ADGRL2: variants seen among roughly 807,000 people sequenced by gnomAD.
ADGRL2 encodes the protein adhesion G protein-coupled receptor L2, also known as calcium-independent alpha-latrotoxin receptor 2.
ADGRL2 carries 44 observed loss-of-function variants against 157.4 expected under a neutral mutation model. The observed-to-expected ratio is 0.28, with a 90% CI of 0.22 to 0.36. The LOEUF (loss-of-function observed/expected upper bound fraction) is 0.36. Ranked by LOEUF, ADGRL2 falls within the 10% of genes least tolerant of loss-of-function variation. The pLI is 1.00. For synonymous variants in ADGRL2, 585 were observed against 624.7 expected (o/e 0.94, Z 0.95); for missense variants, 1,510 against 1,768.9 (o/e 0.85, Z 2.63).
At chr1:81,497,957 G>A (rs537009223) in intron 2 of ADGRL2, among the ~76,000 whole-genome samples, 15 of 152,180 alleles carry the variant, frequency 9.9e-5, no homozygotes, top group African/African-American at 3.6e-4. Context: ...CTGTAATCCC[G>A]GCACTTTGGG....
chr1:81,802,814 T>C (rs1271469818), intron 1 of ADGRL2, among the ~76,000 whole-genome samples: 3 of 152,002 alleles, frequency 2.0e-5, no homozygotes. Flanking sequence ...GGACGAGTTT[T>C]TGAGGGTTGC....
intron 2 of ADGRL2, among the ~76,000 whole-genome samples, chr1:81,531,838 G>A (rs1261031529): frequency 6.6e-6 from 1 of 152,116 alleles, no homozygotes; most frequent in Non-Finnish European, 1.5e-5. Context: ...GAAGGTCAGT[G>A]GACCCCTCAC....
chr1:81,486,561 A>G (rs1321014580), intron 2 of ADGRL2, among the ~76,000 whole-genome samples: 4 of 152,164 alleles, frequency 2.6e-5, no homozygotes, highest in Non-Finnish European at 2.9e-5. Flanking sequence ...AAACAACTGT[A>G]TAGTACTATT....
At chr1:81,659,963 A>T (rs1055536822) in intron 3 of ADGRL2, among the ~76,000 whole-genome samples, 1 of 152,206 alleles carries the variant, frequency 6.6e-6, no homozygotes, top group African/African-American at 2.4e-5. Flanking sequence ...TTCAATACAC[A>T]AATATTTTCA....
chr1:81,719,898 A>T (rs555922252), intron 1 of ADGRL2, among the ~76,000 whole-genome samples: 1 of 152,212 alleles, frequency 6.6e-6, no homozygotes, highest in Admixed American at 6.5e-5. Context: ...TCTATTTTTA[A>T]AATGTGATAT....
chr1:81,476,652 A>G (rs1043787544), intron 2 of ADGRL2, among the ~76,000 whole-genome samples: 1 of 152,158 alleles, frequency 6.6e-6, no homozygotes, highest in Admixed American at 6.6e-5. Flanking sequence ...AAATCTCGCA[A>G]AGTTGCTATT....
chr1:81,593,141 C>T (rs1223348198), intron 3 of ADGRL2, among the ~76,000 whole-genome samples: 1 of 152,086 alleles, frequency 6.6e-6, no homozygotes, highest in African/African-American at 2.4e-5. Flanking sequence ...TTTCTTAGCC[C>T]ATTTGTCAAA....
At chr1:81,791,840 G>C (rs1236184718) in intron 2 of ADGRL2, among the ~76,000 whole-genome samples, 1 of 152,004 alleles carries the variant, frequency 6.6e-6, no homozygotes, top group Non-Finnish European at 1.5e-5. Context: ...CATTTTCAGA[G>C]AAAAAGGAAC....
intron 1 of ADGRL2, among the ~76,000 whole-genome samples, chr1:81,330,866 G>A (rs538927906): frequency 6.6e-6 from 1 of 152,240 alleles, no homozygotes; most frequent in South Asian, 2.1e-4. Context: ...AAATATGAAC[G>A]TTGCTCAACG....
At chr1:81,571,202 A>G (rs1401939792) in intron 2 of ADGRL2, among the ~76,000 whole-genome samples, 9 of 151,702 alleles carry the variant, frequency 5.9e-5, no homozygotes, top group Admixed American at 2.6e-4. Flanking sequence ...GCAGGCACCT[A>G]TAATCCCAGC....
intron 1 of ADGRL2, among the ~76,000 whole-genome samples, chr1:81,316,135 A>G (rs921468221): frequency 4.5e-5 from 5 of 110,816 alleles, no homozygotes; most frequent in African/African-American, 1.9e-4. Context: ...AAAAACAAAA[A>G]AAAAAAAGAA....
chr1:81,333,410 A>AATTTATTT (rs1424872537), intron 1 of ADGRL2, among the ~76,000 whole-genome samples: 1 of 149,190 alleles, frequency 6.7e-6, no homozygotes, highest in Non-Finnish European at 1.5e-5. Context: ...TTAATTAATT[A>AATTTATTT]ATTTATTTAT....
At chr1:81,628,423 T>C (rs986486539) in intron 3 of ADGRL2, among the ~76,000 whole-genome samples, 7 of 152,128 alleles carry the variant, frequency 4.6e-5, no homozygotes, top group Admixed American at 2.0e-4. Context: ...GCTAACTAAA[T>C]GTCCAGCCTT....
At chr1:81,793,271 T>C (rs759515847) in intron 2 of ADGRL2, among the ~76,000 whole-genome samples, 8 of 152,114 alleles carry the variant, frequency 5.3e-5, no homozygotes, top group Non-Finnish European at 1.0e-4. Flanking sequence ...GCTCTAACTT[T>C]TCTCATTACC....
At chr1:81,416,961 A>G (rs949163250) in intron 1 of ADGRL2, among the ~76,000 whole-genome samples, 1 of 152,214 alleles carries the variant, frequency 6.6e-6, no homozygotes, top group Non-Finnish European at 1.5e-5. Flanking sequence ...CAGCATTTCT[A>G]ACAAGTTTCC....
At chr1:81,535,806 T>C (rs1309014719) in intron 2 of ADGRL2, among the ~76,000 whole-genome samples, 2 of 152,190 alleles carry the variant, frequency 1.3e-5, no homozygotes, top group African/African-American at 4.8e-5. Context: ...AACATTGAAT[T>C]AGATATGGCT....
intron 2 of ADGRL2, among the ~76,000 whole-genome samples, chr1:81,574,222 G>A (rs2080752193): frequency 6.6e-6 from 1 of 151,724 alleles, no homozygotes; most frequent in South Asian, 2.1e-4. Context: ...AGAAGTGGGT[G>A]GTGGGGGAGG....
intron 2 of ADGRL2, chr1:81,503,183 T>G: frequency 8.1e-6 from 13 of 1,614,140 alleles, no homozygotes; most frequent in Non-Finnish European, 1.1e-5. Context: ...CAGCTCCCCA[T>G]GAAGATCAGG....
intron 1 of ADGRL2, among the ~76,000 whole-genome samples, chr1:81,740,614 G>A (rs1010454608): frequency 6.6e-6 from 1 of 152,074 alleles, no homozygotes; most frequent in African/African-American, 2.4e-5. Flanking sequence ...ACATACACGG[G>A]TACATGTCTC....
Sources: gnomAD v4.1 joint callset for allele counts (sites outside exome capture counted in the v4.1 genomes callset) on GRCh38, gnomAD v4.1.1 for gene constraint, MANE v1.5 for transcripts, NCBI Gene and HGNC (gene_info 2026-07-23, HGNC 2026-07-21) for gene names.